The following TEX2 variants were observed in gnomAD, a reference collection of about 807,000 sequenced individuals.
TEX2 encodes testis-expressed protein 2.
In TEX2, 53 loss-of-function variants were observed where a neutral mutation model predicts 106.9. That is an observed-to-expected ratio of 0.50 (90% CI 0.40 to 0.62). The LOEUF is 0.62. Among genes scored for constraint, TEX2 ranks in the 20% least tolerant of loss-of-function variants. The probability of loss-of-function intolerance (pLI) is 0.00; values close to 1 mark genes in which losing one functional copy is unlikely to be tolerated. For missense variants in TEX2, 1,207 were observed against 1,379.0 expected (o/e 0.88, Z 1.98); for synonymous variants, 523 against 534.8 (o/e 0.98, Z 0.30).
rs755755575 is a variant in TEX2 at position 64,217,955 on chromosome 17, G to A, written c.-25-3713C>T. Among the ~76,000 whole-genome samples the A allele has an allele frequency of 5.3e-5, 8 of 152,136 alleles. No individual in the cohort carries two copies. The highest frequency in any genetic ancestry group is 7.2e-5 in the African/African-American group (3 of 41,420). On this transcript the variant is annotated intron_variant, in intron 1 of 11. Coordinates refer to ENST00000584379, the MANE Select transcript of TEX2 (RefSeq NM_001288732.2). This position sits in a 1 kb window ranked among gnomAD's most constrained non-coding sequence, Gnocchi z 4.3. ...TGGTACACAAAATTAATCACGTCCC[G>A]TCCCAGAATGGATGAGGGTGGCAGA...
At chr17:64,261,827 A>T (rs930238325) in intron 1 of TEX2, among the ~76,000 whole-genome samples, 5 of 152,166 alleles carry the variant, frequency 3.3e-5, no homozygotes, top group African/African-American at 1.2e-4. Flanking sequence ...TTTTGGGGAG[A>T]ATCTGAAAGA....
chr17:64,257,501 G>A (rs886573714), intron 1 of TEX2, among the ~76,000 whole-genome samples: 3 of 152,124 alleles, frequency 2.0e-5, no homozygotes, highest in Non-Finnish European at 2.9e-5. Flanking sequence ...TAAACAATTC[G>A]CAAGTTTTAA....
intron 1 of TEX2, among the ~76,000 whole-genome samples, chr17:64,220,427 G>C (rs1256706656): frequency 1.3e-5 from 2 of 152,114 alleles, no homozygotes; most frequent in Non-Finnish European, 2.9e-5. Context: ...GCAACCTACA[G>C]AATGGGAGAA....
Position 64,195,808 on chromosome 17 carries a change from A to G in TEX2, c.1645-713T>C, listed in dbSNP as rs2032449390. 6.6e-6 allele frequency among the ~76,000 whole-genome samples: 1 copy of G among 152,254 alleles called. No homozygotes were observed. The highest frequency in any genetic ancestry group is 6.5e-5 in the Admixed American group (1 of 15,288). On this transcript the variant is annotated intron_variant, in intron 2 of 11. Coordinates refer to ENST00000584379, the MANE Select transcript of TEX2 (RefSeq NM_001288732.2). The surrounding 1 kb of genome is among the most constrained non-coding windows in gnomAD (Gnocchi z 4.1). ...CACTGAAATGTATGACAAAAAATAC[A>G]TACACAAAAGCCTAATACACTATAC...
At chr17:64,173,292 CTTAG>C (rs1156966095) in intron 6 of TEX2, among the ~76,000 whole-genome samples, 2 of 151,838 alleles carry the variant, frequency 1.3e-5, no homozygotes. Context: ...CCAGAATTCT[CTTAG>C]TTATTTTCAT....
intron 5 of TEX2, among the ~76,000 whole-genome samples, chr17:64,186,818 CTTG>C (rs2032092728): frequency 3.4e-5 from 5 of 149,140 alleles, no homozygotes; most frequent in Admixed American, 2.0e-4. Context: ...ACTGCGAGAC[CTTG>C]TCTCAAAAAA....
intron 2 of TEX2, 99 bp downstream of exon 2, chr17:64,212,475 G>T: frequency 8.6e-7 from 1 of 1,158,796 alleles, no homozygotes; most frequent in Non-Finnish European, 1.2e-6. Context: ...CACGGCCTGT[G>T]CAAAAATCTT....
rs139586958 is a variant in TEX2 at position 64,174,061 on chromosome 17, G to A, written c.2572-2862C>T. ...AGGGTCTTACTATGTTGCCTAGTCT[G>A]GTCTCAAACTACTGGGCTCAAGATT... On this transcript the variant is annotated intron_variant, in intron 6 of 11. Coordinates refer to ENST00000584379, the MANE Select transcript of TEX2 (RefSeq NM_001288732.2). Among the ~76,000 whole-genome samples the A allele has an allele frequency of 2.2e-3, 339 of 151,710 alleles. 2 individuals carry two copies. The highest frequency in any genetic ancestry group is 7.8e-3 in the African/African-American group (323 of 41,350).
intron 1 of TEX2, chr17:64,255,631 T>G (rs1257641968): frequency 1.3e-5 from 2 of 152,198 alleles, no homozygotes; most frequent in African/African-American, 4.8e-5. Context: ...TGATGAGGCC[T>G]CACACATACT....
At chr17:64,258,887 A>G (rs368519355) in intron 1 of TEX2, among the ~76,000 whole-genome samples, 2 of 152,018 alleles carry the variant, frequency 1.3e-5, no homozygotes, top group South Asian at 4.2e-4. Flanking sequence ...AGTCCCAAGT[A>G]GCTGGGACTA....
rs543573160 is a variant in TEX2 at position 64,208,308 on chromosome 17, G to A, written c.1644+4266C>T. 2.0e-5 allele frequency among the ~76,000 whole-genome samples: 3 copies of A among 151,704 alleles called. No homozygotes were observed. The East Asian group carries it at 5.9e-4, about 30-fold the overall frequency. Reference sequence around the variant, plus strand: ...GGCTGGAGTGCGGTGGCATGATCACGGCTCAGTGCAGCCTTGACCCCCTGA... The same window carrying A: ...GGCTGGAGTGCGGTGGCATGATCACAGCTCAGTGCAGCCTTGACCCCCTGA... On this transcript the variant is annotated intron_variant, in intron 2 of 11. Transcript: ENST00000584379.
At chr17:64,155,050 C>G (rs1182909537) in intron 8 of TEX2, 83 bp from the exon 9 acceptor site, 1 of 1,408,240 alleles carries the variant, frequency 7.1e-7, no homozygotes, top group Admixed American at 2.7e-5. Context: ...CATGCACACA[C>G]ACTCAACCAC....
intron 1 of TEX2, among the ~76,000 whole-genome samples, chr17:64,224,591 T>A (rs949844430): frequency 1.3e-4 from 14 of 106,112 alleles, no homozygotes; most frequent in Non-Finnish European, 2.8e-4. Flanking sequence ...TCCTTTCCCA[T>A]TAGTTGTTAG....
At chr17:64,241,216 C>T (rs1306076456) in intron 1 of TEX2, among the ~76,000 whole-genome samples, 1 of 152,164 alleles carries the variant, frequency 6.6e-6, no homozygotes, top group African/African-American at 2.4e-5. Flanking sequence ...GAACTACTGT[C>T]TAATGTCTGG....
At chr17:64,155,079 C>T in intron 8 of TEX2, 112 bp from the exon 9 acceptor site, 1 of 1,256,512 alleles carries the variant, frequency 8.0e-7, no homozygotes, top group Non-Finnish European at 1.0e-6. Flanking sequence ...CGGGATGTAA[C>T]TGTTAACTAC....
chr17:64,210,440 C>A (rs1319826907), intron 2 of TEX2, among the ~76,000 whole-genome samples: 1 of 151,950 alleles, frequency 6.6e-6, no homozygotes, highest in Non-Finnish European at 1.5e-5. Flanking sequence ...TTTAAAAACC[C>A]AAAAAACTAG....
chr17:64,211,634 G>T (rs1441594286), intron 2 of TEX2, among the ~76,000 whole-genome samples: 2 of 152,062 alleles, frequency 1.3e-5, no homozygotes, highest in South Asian at 2.1e-4. Context: ...ATGAGCATAG[G>T]TTATATATTA....
At chr17:64,150,737 C>T (rs1487095209) in intron 11 of TEX2, 104 bp downstream of exon 11, 5 of 1,273,894 alleles carry the variant, frequency 3.9e-6, no homozygotes, top group Non-Finnish European at 5.4e-6. Flanking sequence ...AGGTCACCAT[C>T]AGATTTTCAA....
intron 6 of TEX2, among the ~76,000 whole-genome samples, chr17:64,172,083 A>G (rs539785377): frequency 1.3e-5 from 2 of 151,566 alleles, no homozygotes; most frequent in African/African-American, 2.4e-5. Context: ...GGCCAGGCGC[A>G]GTGGCTCACG....
Sources: allele counts gnomAD v4.1 joint callset (sites outside exome capture counted in the v4.1 genomes callset), GRCh38; gene constraint gnomAD v4.1.1; non-coding constraint Gnocchi (gnomAD v3.1); transcripts MANE v1.5; gene names NCBI Gene and HGNC (gene_info 2026-07-23, HGNC 2026-07-21).